MMP16: variants seen among roughly 807,000 people sequenced by gnomAD.
MMP16 encodes the protein matrix metalloproteinase-16.
In MMP16, 12 loss-of-function variants were observed where a neutral mutation model predicts 67.8. The observed-to-expected ratio is 0.18, with a 90% CI of 0.11 to 0.29. MMP16 has a LOEUF of 0.29. Ranked by LOEUF, MMP16 falls within the 10% of genes least tolerant of loss-of-function variation. The pLI, the probability that MMP16 is intolerant of heterozygous loss-of-function variation, is 1.00. For synonymous variants in MMP16, 249 were observed against 255.9 expected (o/e 0.97, Z 0.26); for missense variants, 475 against 765.7 (o/e 0.62, Z 4.48).
Position 88,197,159 on chromosome 8 carries a change from C to A in MMP16, c.280G>T (p.Asp94Tyr). 2 of 1,608,626 alleles carry A rather than the reference C, an allele frequency of 1.2e-6. No homozygotes were observed. The highest frequency in any genetic ancestry group is 2.2e-5 in the South Asian group (2 of 89,904). The part of the protein sequence containing the change: ...MTGKVDRNTI[D>Y]WMKKPRCGVP... ...AGGAGGATGGGAGCCATTACTTACTCAATTGTGTTTCTGTCCACTTTTCCT... is the reference window on the plus strand; with the variant it reads ...AGGAGGATGGGAGCCATTACTTACTAAATTGTGTTTCTGTCCACTTTTCCT... The change falls in exon 2 of 10, where the codon GAC becomes TAC. Residue 94 changes from aspartate to tyrosine, a missense_variant and splice_region_variant. This residue lies in a region of MMP16 where 170 missense variants were observed against 239.6 expected (regional missense o/e 0.71). Coordinates refer to ENST00000286614, the MANE Select transcript of MMP16 (RefSeq NM_005941.5).
intron 6 of MMP16, among the ~76,000 whole-genome samples, chr8:88,092,252 T>G (rs1808950711): frequency 6.6e-6 from 1 of 151,886 alleles, no homozygotes; most frequent in African/African-American, 2.4e-5. Flanking sequence ...TTTTGTTTTT[T>G]CTTTTTAGAA....
At position 88,250,320 on chromosome 8, in the gene MMP16, C is replaced by A. The variant is rs370740554; in HGVS notation, c.133-53014G>T. Among the ~76,000 whole-genome samples the A allele has an allele frequency of 6.6e-5, 10 of 152,144 alleles. No individual in the cohort carries two copies. The East Asian group carries it at 1.2e-3, about 18-fold the overall frequency. ...GAACGGGTGGGCACAGGAATCATGT[C>A]TTTCTTAGTTTTCAAGTCTACGTAC... On this transcript the variant is annotated intron_variant, in intron 1 of 9. Coordinates refer to ENST00000286614, the MANE Select transcript of MMP16 (RefSeq NM_005941.5).
At chr8:88,157,375 A>G (rs957395805) in intron 4 of MMP16, among the ~76,000 whole-genome samples, 1 of 151,962 alleles carries the variant, frequency 6.6e-6, no homozygotes, top group African/African-American at 2.4e-5. Context: ...ATATTAAACC[A>G]TCTTATATAA....
At chr8:88,125,566 C>G (rs1807915916) in intron 4 of MMP16, among the ~76,000 whole-genome samples, 1 of 151,630 alleles carries the variant, frequency 6.6e-6, no homozygotes, top group Non-Finnish European at 1.5e-5. Flanking sequence ...AAGTAGAAAA[C>G]CTAGGAAAAT....
intron 6 of MMP16, 28 bp from the exon 7 acceptor site, chr8:88,074,771 A>T (rs775134165): frequency 6.2e-7 from 1 of 1,606,864 alleles, no homozygotes; most frequent in East Asian, 2.2e-5. Context: ...GCATCTCTCA[A>T]CAAACACGTA....
chr8:88,268,507 G>A (rs1810514727), intron 1 of MMP16, among the ~76,000 whole-genome samples: 4 of 152,154 alleles, frequency 2.6e-5, no homozygotes, highest in African/African-American at 9.7e-5. Flanking sequence ...TTCCCAGACA[G>A]TTCTTTTTCC....
chr8:88,239,294 C>A (rs868200777), intron 1 of MMP16, among the ~76,000 whole-genome samples: 274 of 80,498 alleles, frequency 3.4e-3, no homozygotes, highest in East Asian at 5.0e-3. Context: ...GACGCAGTCT[C>A]AAAAAAAAAA....
intron 4 of MMP16, among the ~76,000 whole-genome samples, chr8:88,160,486 A>C (rs1264399875): frequency 6.6e-6 from 1 of 152,058 alleles, no homozygotes; most frequent in African/African-American, 2.4e-5. Flanking sequence ...ATGAACAGAC[A>C]CCTCTCAAAA....
At position 88,057,996 on chromosome 8, in the gene MMP16, A is replaced by G. The variant is rs542205194; in HGVS notation, c.1223-1718T>C. 7.2e-5 allele frequency among the ~76,000 whole-genome samples: 11 copies of G among 152,252 alleles called. No individual in the cohort carries two copies. The South Asian group carries it at 2.3e-3, about 32-fold the overall frequency. ...AAAACAGAGGTTGAGGAAAAAAATA[A>G]AGGGAACTTACTTTAAGTAAAAAGG... On this transcript the variant is annotated intron_variant, in intron 7 of 9. Transcript: ENST00000286614.
chr8:88,110,506 T>G (rs767369560), intron 6 of MMP16, among the ~76,000 whole-genome samples: 1 of 151,574 alleles, frequency 6.6e-6, no homozygotes, highest in African/African-American at 2.4e-5. Context: ...TTTGGTCTTA[T>G]GTGAATCTAG....
chr8:88,180,956 G>A (rs1190586926), intron 3 of MMP16, among the ~76,000 whole-genome samples: 1 of 152,126 alleles, frequency 6.6e-6, no homozygotes, highest in African/African-American at 2.4e-5. Flanking sequence ...CATATCAGCA[G>A]AGGCAGAAAA....
At chr8:88,266,578 G>A (rs373232136) in intron 1 of MMP16, among the ~76,000 whole-genome samples, 38 of 152,144 alleles carry the variant, frequency 2.5e-4, no homozygotes, top group South Asian at 4.1e-4. Context: ...CCCATTTGGC[G>A]TCCCCATTTT....
chr8:88,197,077 G>A (rs1809267757), intron 2 of MMP16, 81 bp downstream of exon 2: 1 of 1,329,482 alleles, frequency 7.5e-7, no homozygotes, highest in East Asian at 2.6e-5. Context: ...TTTCTGGTTG[G>A]TGGAGTTCAT....
At chr8:88,095,514 C>G (rs1395205931) in intron 6 of MMP16, among the ~76,000 whole-genome samples, 1 of 151,782 alleles carries the variant, frequency 6.6e-6, no homozygotes, top group Non-Finnish European at 1.5e-5. Flanking sequence ...GGGGAACTGA[C>G]AAGTTTCCAA....
chr8:88,216,021 G>A (rs1490478961), intron 1 of MMP16, among the ~76,000 whole-genome samples: 2 of 152,114 alleles, frequency 1.3e-5, no homozygotes, highest in Non-Finnish European at 2.9e-5. Flanking sequence ...GCAGCTGAAA[G>A]TCATTTTCAT....
intron 1 of MMP16, among the ~76,000 whole-genome samples, chr8:88,238,343 T>C (rs995395819): frequency 1.9e-4 from 29 of 152,030 alleles, no homozygotes; most frequent in African/African-American, 6.8e-4. Context: ...TGAAACCCCA[T>C]TTCTACTAAA....
chr8:88,147,775 G>GTT (rs1420204732), intron 4 of MMP16, among the ~76,000 whole-genome samples: 8 of 133,612 alleles, frequency 6.0e-5, no homozygotes, highest in African/African-American at 1.0e-4. Flanking sequence ...TAAAATATGT[G>GTT]TTTGTGTGTG....
intron 4 of MMP16, among the ~76,000 whole-genome samples, chr8:88,138,349 G>T (rs371987159): frequency 1.3e-5 from 2 of 151,852 alleles, no homozygotes; most frequent in East Asian, 1.9e-4. Flanking sequence ...TGCTTCCCTA[G>T]AGTATAGGGC....
At chr8:88,226,350 G>T (rs947376197) in intron 1 of MMP16, among the ~76,000 whole-genome samples, 2 of 151,816 alleles carry the variant, frequency 1.3e-5, no homozygotes, top group African/African-American at 4.8e-5. Flanking sequence ...TATATTCCAG[G>T]CTACATTCTA....
Sources: gnomAD v4.1 joint callset for allele counts (sites outside exome capture counted in the v4.1 genomes callset) on GRCh38, gnomAD v4.1.1 for gene constraint, gnomAD v4.1.1 regional missense constraint, MANE v1.5 for transcripts, NCBI Gene and HGNC (gene_info 2026-07-23, HGNC 2026-07-21) for gene names.